Variants in POU2F1 observed in about 807,000 individuals in gnomAD.
The protein encoded by POU2F1 is POU domain, class 2, transcription factor 1.
In POU2F1, 16 loss-of-function variants were observed where a neutral mutation model predicts 84.9. The observed-to-expected ratio is 0.19, with a 90% confidence interval of 0.13 to 0.29. The LOEUF is 0.29. Ranked by LOEUF, POU2F1 falls within the 10% of genes least tolerant of loss-of-function variation. POU2F1 has a pLI of 1.00. For synonymous variants in POU2F1, 368 were observed against 368.3 expected, an observed-to-expected ratio of 1.00 and a Z score of 0.01; for missense variants, 738 against 942.6, an observed-to-expected ratio of 0.78 and a Z score of 2.84.
chr1:167,348,536 G>C (rs755689441), intron 2 of POU2F1, among the ~76,000 whole-genome samples: 5 of 152,056 alleles, frequency 3.3e-5, no homozygotes, highest in Admixed American at 6.5e-5. Context: ...ATTTTAATGG[G>C]ATTAAATAAT....
In POU2F1 at chr1:167,412,058, C is replaced by G; in HGVS notation, c.1655C>G (p.Ser552Cys). The G allele has an allele frequency of 6.2e-7, 1 of 1,614,214 alleles. No individual in the cohort carries two copies. Among genetic ancestry groups the G allele is most frequent in the Non-Finnish European group, 8.5e-7 (1 of 1,180,020 alleles). ...VTSPSLSPSP[S>C]ASASTSEASS... ...TCCCCCTCTCTGAGTCCCTCCCCTTCTGCCTCAGCCTCCACCTCCGAGGCA... is the reference window on the plus strand; with the variant it reads ...TCCCCCTCTCTGAGTCCCTCCCCTTGTGCCTCAGCCTCCACCTCCGAGGCA... Residue 552 changes from serine to cysteine, a missense_variant, in exon 14 of 16, where the codon TCT becomes TGT. By Grantham distance (112) the Ser-to-Cys change is moderately radical. Transcript: ENST00000367866.
At chr1:167,399,731 T>A (rs1649059033) in intron 12 of POU2F1, among the ~76,000 whole-genome samples, 1 of 152,140 alleles carries the variant, frequency 6.6e-6, no homozygotes, top group South Asian at 2.1e-4. Context: ...TGGAGTGCAT[T>A]GGTGCGATCT....
At chr1:167,337,839 G>T in intron 2 of POU2F1, 1 of 275,572 alleles carries the variant, frequency 3.6e-6, no homozygotes, top group Non-Finnish European at 7.1e-6. Context: ...GGAAAGACAT[G>T]AAAGCACACC....
rs1034366493 is a variant in POU2F1, at chr1:167,416,153, TATC to T, written c.*346_*348del. 3 of 412,010 alleles carry T rather than the reference TATC, an allele frequency of 7.3e-6. No individual in the cohort carries two copies. The East Asian group carries it at 2.0e-4, about 28-fold the overall frequency. 25.5% of individuals were successfully genotyped at this position (412,010 alleles called of 1,614,324 possible). Reference sequence around the variant, plus strand: ...AACAAAAATAAGTGAAAGGACTACTTATCATTTCCAGCAGTCATGATGACAAGT... The same window carrying T: ...AACAAAAATAAGTGAAAGGACTACTTATTTCCAGCAGTCATGATGACAAGT... On this transcript the variant is annotated 3_prime_UTR_variant, in exon 16 of 16. Transcript: ENST00000367866.
At chr1:167,267,496 G>A (rs1459810302) in intron 1 of POU2F1, among the ~76,000 whole-genome samples, 2 of 152,020 alleles carry the variant, frequency 1.3e-5, no homozygotes, top group East Asian at 3.8e-4. Context: ...CGATCTTTCT[G>A]CAGTTCTGTT....
chr1:167,222,958 CT>C (rs556419066), intron 1 of POU2F1, among the ~76,000 whole-genome samples: 3 of 151,434 alleles, frequency 2.0e-5, no homozygotes, highest in East Asian at 1.9e-4. Flanking sequence ...AAAACTGACA[CT>C]TTTTTTTTCC....
chr1:167,307,356 A>G (rs1483378772), intron 1 of POU2F1, among the ~76,000 whole-genome samples: 1 of 152,036 alleles, frequency 6.6e-6, no homozygotes, highest in African/African-American at 2.4e-5. Context: ...CTGACAGTGG[A>G]ATATCTGTAC....
intron 11 of POU2F1, 64 bp downstream of exon 11, chr1:167,398,197 A>T: frequency 6.6e-7 from 1 of 1,522,810 alleles, no homozygotes; most frequent in Non-Finnish European, 8.9e-7. Flanking sequence ...ATTAGTACTT[A>T]GTAGAAACTG....
rs769166171 is a variant in POU2F1 at position 167,374,146 on chromosome 1, GCAGGCACAGGCA to G, written c.451_462del (p.Ala151_Gln154del). 3.1e-6 allele frequency: 5 copies of G among 1,613,986 alleles called. No homozygotes were observed. In the African/African-American group the frequency reaches 6.7e-5, roughly 22 times the overall value. ...CTGCCCAGCAACAGTTACTACTCCA[GCAGGCACAGGCA>G]CAGGCACAGCTGCTGGCTGCTGCAG... is the stretch of plus-strand genomic sequence containing the variant. On this transcript the variant is annotated inframe_deletion, in exon 6 of 16. Coordinates refer to ENST00000367866, the MANE Select transcript of POU2F1 (RefSeq NM_002697.4).
rs34379394 is a variant in POU2F1 at position 167,415,742 on chromosome 1, T to C, written c.2233T>C (p.Ser745Pro). 8.1e-4 allele frequency: 1,313 copies of C among 1,614,076 alleles called. 3 individuals carry two copies. The highest frequency in any genetic ancestry group is 8.1e-3 in the Middle Eastern group (49 of 6,062). The change falls in exon 16 of 16, where the codon TCT (serine) becomes CCT (proline). Residue 745 changes from serine to proline, a missense_variant. By Grantham distance (74) the Ser-to-Pro change is moderately conservative (BLOSUM62 -1). Transcript: ENST00000367866. The part of the protein sequence containing the change: ...TSTSAESIQN[S>P]LFTVASASGA... ...CACCTCTGCTGAGTCCATCCAGAAC[T>C]CTCTCTTCACAGTGGCCTCTGCCAG...
At chr1:167,256,266 G>A (rs1019223580) in intron 1 of POU2F1, among the ~76,000 whole-genome samples, 1 of 152,128 alleles carries the variant, frequency 6.6e-6, no homozygotes, top group African/African-American at 2.4e-5. Context: ...AGAAGAGAGA[G>A]GGAAAAGGGA....
chr1:167,263,446 G>A (rs1651715926), intron 1 of POU2F1, among the ~76,000 whole-genome samples: 1 of 151,996 alleles, frequency 6.6e-6, no homozygotes, highest in African/African-American at 2.4e-5. Flanking sequence ...GAACCCGGGA[G>A]GCAGAGGTTG....
intron 1 of POU2F1, among the ~76,000 whole-genome samples, chr1:167,276,311 T>C (rs1652726689): frequency 1.3e-5 from 2 of 152,208 alleles, no homozygotes; most frequent in Non-Finnish European, 2.9e-5. Flanking sequence ...TGCAGTGCTA[T>C]GTTCAGGTAA....
rs1650697823 is a variant in POU2F1, at chr1:167,422,293, A to G, written c.*6483A>G. ...ACATGCACCAATTAATTTGGAGCCA[A>G]GAGGTGAGTGATTGATGTATCTTAA... On this transcript the variant is annotated 3_prime_UTR_variant, in exon 16 of 16. Transcript: ENST00000367866. 6.6e-6 allele frequency: 1 copy of G among 151,686 alleles called. No homozygotes were observed. The highest frequency in any genetic ancestry group is 1.5e-5 in the Non-Finnish European group (1 of 68,048). 9.4% of individuals were successfully genotyped at this position (151,686 alleles called of 1,614,324 possible).
intron 1 of POU2F1, among the ~76,000 whole-genome samples, chr1:167,222,496 T>C (rs1007665789): frequency 6.6e-6 from 1 of 152,120 alleles, no homozygotes; most frequent in Non-Finnish European, 1.5e-5. Flanking sequence ...TTTTTTTCCT[T>C]GGCAATCCGC....
intron 13 of POU2F1, among the ~76,000 whole-genome samples, chr1:167,408,046 C>T (rs1444614952): frequency 6.6e-6 from 1 of 152,054 alleles, no homozygotes; most frequent in Non-Finnish European, 1.5e-5. Flanking sequence ...AGAATATAAA[C>T]AACTCAGATT....
At chr1:167,289,521 G>A (rs1158322329) in intron 1 of POU2F1, among the ~76,000 whole-genome samples, 3 of 152,222 alleles carry the variant, frequency 2.0e-5, no homozygotes, top group Non-Finnish European at 4.4e-5. Context: ...CATCTTCAGT[G>A]GAAGGAACAG....
chr1:167,421,363 A>G lies in POU2F1; in HGVS notation c.*5553A>G, dbSNP rs913886669. On this transcript the variant is annotated 3_prime_UTR_variant, in exon 16 of 16. Coordinates refer to ENST00000367866, the MANE Select transcript of POU2F1 (RefSeq NM_002697.4). ...TCCATTTCTTAGTCCAAGGAGATTA[A>G]ATATAAATAGGACACCCCTGAGATT... 6.6e-6 allele frequency: 1 copy of G among 152,232 alleles called. No homozygotes were observed. The highest frequency in any genetic ancestry group is 1.5e-5 in the Non-Finnish European group (1 of 68,034). The allele number at this position is 152,232 out of a possible 1,614,324, so 9.4% of individuals were successfully genotyped here.
At chr1:167,256,648 T>C (rs1184314787) in intron 1 of POU2F1, among the ~76,000 whole-genome samples, 2 of 152,216 alleles carry the variant, frequency 1.3e-5, no homozygotes, top group Non-Finnish European at 2.9e-5. Context: ...TACCATATCA[T>C]CTCACTTACG....
Sources: gnomAD v4.1 joint callset for allele counts (sites outside exome capture counted in the v4.1 genomes callset) on GRCh38, gnomAD v4.1.1 for gene constraint, MANE v1.5 for transcripts, NCBI Gene and HGNC (gene_info 2026-07-23, HGNC 2026-07-21) for gene names.